ITGA6: variants seen among roughly 807,000 people sequenced by gnomAD.
ITGA6 encodes the protein integrin alpha-6.
ITGA6 carries 63 observed loss-of-function variants against 133.6 expected under a neutral mutation model. The ratio of observed to expected loss-of-function variants is 0.47; its 90% CI spans 0.38 to 0.58. ITGA6 has a LOEUF of 0.58. ITGA6 is among the 20% of genes least tolerant of loss of function. ITGA6 has a pLI of 0.00. For synonymous variants in ITGA6, 434 were observed against 482.0 expected (o/e 0.90, Z 1.30); for missense variants, 1,068 against 1,309.4 (o/e 0.82, Z 2.85).
chr2:172,476,803 T>C (rs1477351072), intron 9 of ITGA6, among the ~76,000 whole-genome samples: 1 of 152,200 alleles, frequency 6.6e-6, no homozygotes, highest in Non-Finnish European at 1.5e-5. Context: ...AATGTGACAG[T>C]ACAAAGAACA....
At chr2:172,450,947 A>G (rs1047451425) in intron 1 of ITGA6, among the ~76,000 whole-genome samples, 7 of 147,188 alleles carry the variant, frequency 4.8e-5, no homozygotes, top group African/African-American at 1.7e-4. Flanking sequence ...ATATAAATAT[A>G]TTTATCTTGT....
intron 15 of ITGA6, 46 bp downstream of exon 15, chr2:172,487,499 T>C: frequency 6.2e-7 from 1 of 1,610,940 alleles, no homozygotes; most frequent in Non-Finnish European, 8.5e-7. Flanking sequence ...AAATCAACAC[T>C]GTGTGGCAAA....
intron 3 of ITGA6, 110 bp from the exon 4 acceptor site, chr2:172,469,015 A>C (rs1202478254): frequency 8.4e-7 from 1 of 1,190,350 alleles, no homozygotes; most frequent in Non-Finnish European, 1.2e-6. Flanking sequence ...GGACATGCTT[A>C]ATCATCCTCT....
chr2:172,470,477 G>A (rs1025868193), intron 4 of ITGA6, among the ~76,000 whole-genome samples: 5 of 152,100 alleles, frequency 3.3e-5, no homozygotes, highest in African/African-American at 1.2e-4. Context: ...GCCATATAGT[G>A]ATTTGGGCTT....
chr2:172,501,925 T>G (rs1181487329), intron 25 of ITGA6, 24 bp downstream of exon 25: 1 of 1,601,098 alleles, frequency 6.2e-7, no homozygotes, highest in East Asian at 2.2e-5. Context: ...GTTTTTTAAT[T>G]GCTAGCTGTG....
At chr2:172,490,450 G>C (rs1686875024) in intron 20 of ITGA6, among the ~76,000 whole-genome samples, 2 of 152,252 alleles carry the variant, frequency 1.3e-5, no homozygotes, top group African/African-American at 2.4e-5. Context: ...TCAGTGATCA[G>C]AGTTGGTGGC....
At chr2:172,471,854 A>G (rs1685952702) in intron 5 of ITGA6, among the ~76,000 whole-genome samples, 1 of 152,030 alleles carries the variant, frequency 6.6e-6, no homozygotes, top group African/African-American at 2.4e-5. Context: ...ATTTCTTGGA[A>G]AAAATGTAAA....
intron 5 of ITGA6, among the ~76,000 whole-genome samples, chr2:172,471,941 A>T (rs1373390568): frequency 1.3e-5 from 2 of 152,064 alleles, no homozygotes; most frequent in East Asian, 1.9e-4. Flanking sequence ...ATGTTAGGAT[A>T]TTACTGGAAG....
Position 172,491,544 on chromosome 2 carries a change from A to C in ITGA6, c.2988+21A>C. ...CTCAGGTGAGAGGTTCCCCAGCTTC[A>C]TTCAGGTTCAGAACATGTCTCTTTT... On this transcript the variant is annotated intron_variant, in intron 23 of 25. Coordinates refer to ENST00000684293, the MANE Select transcript of ITGA6 (RefSeq NM_000210.4). This position sits in a 1 kb window ranked among gnomAD's most constrained non-coding sequence, Gnocchi z 4.4. The C allele has an allele frequency of 6.7e-7, 1 of 1,497,804 alleles. No individual in the cohort carries two copies. Among genetic ancestry groups the C allele is most frequent in the Non-Finnish European group, 9.3e-7 (1 of 1,075,326 alleles). The allele number at this position is 1,497,804 out of a possible 1,614,324, so 92.8% of individuals were successfully genotyped here. A position where few individuals can be genotyped will look rare whatever the true frequency, so the allele number is the denominator to read the frequency against.
rs557433043 is a variant in ITGA6, at chr2:172,479,934, G to A, written c.1488-56G>A. The A allele has an allele frequency of 1.3e-5, 16 of 1,276,534 alleles. No individual in the cohort carries two copies. In the African/African-American group the frequency reaches 1.8e-4, roughly 14 times the overall value. The allele number at this position is 1,276,534 out of a possible 1,614,324, so 79.1% of individuals were successfully genotyped here. On this transcript the variant is annotated intron_variant, in intron 10 of 25. Coordinates refer to ENST00000684293, the MANE Select transcript of ITGA6 (RefSeq NM_000210.4). The stretch of plus-strand genomic sequence containing the variant: ...ATTGGAGAGCTAGGGAACATGTTGG[G>A]TTTTTTCCACTGCAATAATGGATCT...
chr2:172,472,847 G>A, intron 5 of ITGA6: 1 of 1,612,332 alleles, frequency 6.2e-7, no homozygotes. Flanking sequence ...CTCCCCGGGA[G>A]CAGCCTGACA....
chr2:172,474,175 C>T lies in ITGA6; in HGVS notation c.896C>T (p.Ala299Val), dbSNP rs954985654. ...VVLLKRDMKS[A>V]HLLPEHIFDG... ...TTGCTGAAGAGAGACATGAAGTCTG[C>T]ACATCTCCTCCCTGAGCACATATTC... Residue 299 changes from alanine to valine, a missense_variant, in exon 6 of 26, where the codon GCA becomes GTA. Physicochemically the swap from Ala to Val is moderately conservative, Grantham distance 64 (BLOSUM62 0). Coordinates refer to ENST00000684293, the MANE Select transcript of ITGA6 (RefSeq NM_000210.4). 6.2e-7 allele frequency: 1 copy of T among 1,614,108 alleles called. No homozygotes were observed. Among genetic ancestry groups the T allele is most frequent in the African/African-American group, 1.3e-5 (1 of 75,034 alleles).
chr2:172,488,367 C>T, intron 19 of ITGA6, 139 bp downstream of exon 19: 1 of 707,662 alleles, frequency 1.4e-6, no homozygotes, highest in Non-Finnish European at 2.5e-6. Flanking sequence ...AGTTTGCCAG[C>T]TTTTAAAGAA....
chr2:172,436,011 G>A (rs1489129647), intron 1 of ITGA6, among the ~76,000 whole-genome samples: 4 of 152,150 alleles, frequency 2.6e-5, no homozygotes, highest in African/African-American at 7.2e-5. Context: ...TTAGGAAAGG[G>A]ATATTATTAA....
At chr2:172,492,192 C>A (rs747116084) in intron 23 of ITGA6, among the ~76,000 whole-genome samples, 5 of 152,228 alleles carry the variant, frequency 3.3e-5, no homozygotes, top group Non-Finnish European at 7.3e-5. Flanking sequence ...ACCCTGGGGC[C>A]TTTACCTCTC....
intron 11 of ITGA6, 116 bp from the exon 12 acceptor site, chr2:172,484,666 G>A (rs894192471): frequency 5.0e-5 from 43 of 855,830 alleles, no homozygotes; most frequent in Non-Finnish European, 7.7e-5. Context: ...GAAATATGAA[G>A]AGAAACAATG....
intron 1 of ITGA6, among the ~76,000 whole-genome samples, chr2:172,462,699 C>T (rs1046292998): frequency 2.0e-5 from 3 of 152,242 alleles, no homozygotes; most frequent in South Asian, 2.1e-4. Context: ...GGAAGCCAAC[C>T]CACTCTGAGG....
At chr2:172,462,599 C>T (rs1443205556) in intron 1 of ITGA6, among the ~76,000 whole-genome samples, 2 of 152,182 alleles carry the variant, frequency 1.3e-5, no homozygotes, top group Non-Finnish European at 2.9e-5. Flanking sequence ...GCCCCTGTAA[C>T]CAGCCAACAA....
In ITGA6 at chr2:172,504,903, A is replaced by AT. The variant is rs2149110799; in HGVS notation, c.*841dup. 6.5e-6 allele frequency: 1 copy of AT among 152,690 alleles called. No homozygotes were observed. The highest frequency in any genetic ancestry group is 2.1e-4 in the South Asian group (1 of 4,818). The allele number at this position is 152,690 out of a possible 1,614,324, so 9.5% of individuals were successfully genotyped here. A position where few individuals can be genotyped will look rare whatever the true frequency, so the allele number is the denominator to read the frequency against. On this transcript the variant is annotated 3_prime_UTR_variant, in exon 26 of 26. Coordinates refer to ENST00000684293, the MANE Select transcript of ITGA6 (RefSeq NM_000210.4). ...TTATACTTATTTGTATATGGTATTT[A>AT]TTTTTTCTTTTCTTTACAAACCATT...
Sources: allele counts gnomAD v4.1 joint callset (sites outside exome capture counted in the v4.1 genomes callset), GRCh38; gene constraint gnomAD v4.1.1; non-coding constraint Gnocchi (gnomAD v3.1); transcripts MANE v1.5; gene names NCBI Gene and HGNC (gene_info 2026-07-23, HGNC 2026-07-21).